The following COPS7B variants were observed in gnomAD, a reference collection of about 807,000 sequenced individuals.
COPS7B encodes COP9 signalosome subunit 7B.
COPS7B carries 9 observed loss-of-function variants against 33.4 expected under a neutral mutation model. That is an observed-to-expected ratio of 0.27 (90% CI 0.16 to 0.47). The LOEUF is 0.47. Ranked by LOEUF, COPS7B falls within the 20% of genes least tolerant of loss-of-function variation. The pLI is 0.99. For synonymous variants in COPS7B, 119 were observed against 126.3 expected (o/e 0.94, Z 0.39); for missense variants, 242 against 318.2 (o/e 0.76, Z 1.82).
intron 6 of COPS7B, 128 bp downstream of exon 6, chr2:231,799,092 G>T: frequency 1.3e-6 from 1 of 756,196 alleles, no homozygotes; most frequent in South Asian, 1.7e-5. Context: ...GTGGGCCTGG[G>T]CTAGGTGCTG....
chr2:231,788,929 G>A, intron 2 of COPS7B, 197 bp downstream of exon 2: 1 of 501,320 alleles, frequency 2.0e-6, no homozygotes. Context: ...CTTACCTTGG[G>A]TAAAATTAGA....
intron 6 of COPS7B, among the ~76,000 whole-genome samples, chr2:231,806,734 G>T (rs530674536): frequency 6.6e-6 from 1 of 152,102 alleles, no homozygotes; most frequent in Admixed American, 6.5e-5. Context: ...AATGTAAATC[G>T]ACTTTGATCT....
chr2:231,784,311 TAA>T (rs1174394894), upstream of COPS7B, among the ~76,000 whole-genome samples: 7 of 142,558 alleles, frequency 4.9e-5, no homozygotes, highest in African/African-American at 5.2e-5. Flanking sequence ...ACCCCATCTT[TAA>T]AAAAAAAAAA....
intron 6 of COPS7B, among the ~76,000 whole-genome samples, chr2:231,803,770 C>T (rs1574679754): frequency 6.6e-6 from 1 of 152,158 alleles, no homozygotes; most frequent in East Asian, 1.9e-4. Context: ...TGCGCGGGCT[C>T]CCTCAGGACC....
At chr2:231,797,581 G>A (rs1021267606) in intron 5 of COPS7B, among the ~76,000 whole-genome samples, 5 of 152,156 alleles carry the variant, frequency 3.3e-5, no homozygotes, top group African/African-American at 1.2e-4. Context: ...GTTTGACATA[G>A]AGGTGCCAGA....
chr2:231,801,413 A>C, intron 6 of COPS7B: 1 of 579,046 alleles, frequency 1.7e-6, no homozygotes, highest in Non-Finnish European at 2.2e-6. Context: ...ATTACAAAGC[A>C]CTTTCACATT....
chr2:231,794,585 G>T (rs1415450594), intron 4 of COPS7B, among the ~76,000 whole-genome samples: 1 of 152,158 alleles, frequency 6.6e-6, no homozygotes, highest in South Asian at 2.1e-4. Flanking sequence ...CTGTGGTGCC[G>T]CATGTGGCAT....
At chr2:231,794,470 G>C in intron 4 of COPS7B, 119 bp downstream of exon 4, 2 of 752,518 alleles carry the variant, frequency 2.7e-6, no homozygotes, top group Non-Finnish European at 4.4e-6. Context: ...CATAAAATTT[G>C]CTTGACAGAG....
chr2:231,781,762 G>A, upstream of COPS7B: 1 of 1,433,450 alleles, frequency 7.0e-7, no homozygotes, highest in Non-Finnish European at 9.6e-7. Flanking sequence ...CGCTGAGTTG[G>A]TCGTTTCGGA....
chr2:231,790,969 A>G (rs576446712), intron 2 of COPS7B: 2 of 152,916 alleles, frequency 1.3e-5, no homozygotes, highest in South Asian at 2.1e-4. Flanking sequence ...CGATCTCCTG[A>G]CCTCATGATC....
rs769744226 is a variant in COPS7B at position 231,786,451 on chromosome 2, C to T, written c.-104C>T. 3.1e-5 allele frequency: 31 copies of T among 985,888 alleles called. No individual in the cohort carries two copies. The African/African-American group carries it at 5.2e-4, about 17-fold the overall frequency. The allele number at this position is 985,888 out of a possible 1,614,324, so 61.1% of individuals were successfully genotyped here. A position where few individuals can be genotyped will look rare whatever the true frequency, so the allele number is the denominator to read the frequency against. On this transcript the variant is annotated 5_prime_UTR_variant, in exon 1 of 7. Coordinates refer to ENST00000350033, the MANE Select transcript of COPS7B (RefSeq NM_022730.4). ...GCGGAGACAGAAAAGCGCCGGACGCCGGGGTGATCATGGACGCTTGACAAC... is the reference window on the plus strand; with the variant it reads ...GCGGAGACAGAAAAGCGCCGGACGCTGGGGTGATCATGGACGCTTGACAAC...
At chr2:231,794,896 G>A (rs2106325085) in intron 4 of COPS7B, among the ~76,000 whole-genome samples, 1 of 151,834 alleles carries the variant, frequency 6.6e-6, no homozygotes, top group Admixed American at 6.6e-5. Context: ...GGGATTACAG[G>A]CGTGGACCAC....
intron 6 of COPS7B, among the ~76,000 whole-genome samples, chr2:231,801,963 C>T (rs1385878925): frequency 5.9e-5 from 9 of 152,008 alleles, no homozygotes; most frequent in Admixed American, 3.9e-4. Context: ...TTAGTAGAGA[C>T]GGGGTTTCGC....
At chr2:231,796,563 G>A (rs921675387) in intron 5 of COPS7B, among the ~76,000 whole-genome samples, 5 of 152,176 alleles carry the variant, frequency 3.3e-5, no homozygotes, top group African/African-American at 1.2e-4. Context: ...TTAAAAGTGG[G>A]CTATAAAATG....
chr2:231,791,996 G>A, intron 3 of COPS7B, 188 bp downstream of exon 3: 1 of 694,294 alleles, frequency 1.4e-6, no homozygotes, highest in South Asian at 1.5e-5. Flanking sequence ...ATATTCTAGT[G>A]GGTCAAATGG....
chr2:231,792,010 C>CT (rs2049431002), intron 3 of COPS7B: 1 of 687,386 alleles, frequency 1.5e-6, no homozygotes, highest in Non-Finnish European at 2.7e-6. Flanking sequence ...CAAATGGGGC[C>CT]TGTGTGTGCT....
At chr2:231,799,044 C>A (rs770341047) in intron 6 of COPS7B, 80 bp downstream of exon 6, 1 of 1,310,346 alleles carries the variant, frequency 7.6e-7, no homozygotes, top group Non-Finnish European at 1.1e-6. Context: ...TTTTGTTTTG[C>A]GAATCTTGGT....
upstream of COPS7B, among the ~76,000 whole-genome samples, chr2:231,785,198 G>A (rs567766942): frequency 6.6e-6 from 1 of 152,254 alleles, no homozygotes; most frequent in South Asian, 2.1e-4. Flanking sequence ...CACTCCTATA[G>A]CACCTAGCAT....
chr2:231,803,526 G>A (rs2106342827), intron 6 of COPS7B, among the ~76,000 whole-genome samples: 1 of 152,264 alleles, frequency 6.6e-6, no homozygotes, highest in South Asian at 2.1e-4. Context: ...CTGAATGAGA[G>A]CAGTTTCTAC....
Sources: gnomAD v4.1 joint callset for allele counts (sites outside exome capture counted in the v4.1 genomes callset) on GRCh38, gnomAD v4.1.1 for gene constraint, MANE v1.5 for transcripts, NCBI Gene and HGNC (gene_info 2026-07-23, HGNC 2026-07-21) for gene names.